DLGAP2: variants seen among roughly 807,000 people sequenced by gnomAD.
The protein encoded by DLGAP2 is DLG associated protein 2.
Under a neutral mutation model 100.3 loss-of-function variants are expected in DLGAP2, and 26 were observed. The ratio of observed to expected loss-of-function variants is 0.26; its 90% confidence interval spans 0.19 to 0.36. The LOEUF is 0.36. Among genes scored for constraint, DLGAP2 ranks in the 10% least tolerant of loss-of-function variants. DLGAP2 has a pLI of 1.00. For missense variants in DLGAP2, 1,858 were observed against 1,453.2 expected (o/e 1.28, Z -4.53); for synonymous variants, 886 against 630.1 (o/e 1.41, Z -6.08).
chr8:1,540,715 C>T (rs898312339), intron 4 of DLGAP2, among the ~76,000 whole-genome samples: 1 of 152,210 alleles, frequency 6.6e-6, no homozygotes, highest in African/African-American at 2.4e-5. Flanking sequence ...CAGAGCCCAG[C>T]GTGGGCGGCC....
In DLGAP2 at chr8:1,330,921, G is replaced by C. The variant is rs566145344; in HGVS notation, c.106+72038G>C. Among the ~76,000 whole-genome samples the C allele has an allele frequency of 2.0e-5, 3 of 150,276 alleles. No individual in the cohort carries two copies. In the East Asian group the frequency reaches 6.0e-4, roughly 30 times the overall value. On this transcript the variant is annotated intron_variant, in intron 3 of 14. Coordinates refer to ENST00000637795, the MANE Select transcript of DLGAP2 (RefSeq NM_001346810.2). The stretch of plus-strand genomic sequence containing the variant: ...TCTGTGTGGGAGCACCACTTCATGG[G>C]GACTGAGTTCTGGGTGGGACTGAGT...
intron 5 of DLGAP2, among the ~76,000 whole-genome samples, chr8:1,551,945 T>A (rs1031109564): frequency 2.6e-5 from 4 of 152,198 alleles, no homozygotes; most frequent in South Asian, 2.1e-4. Flanking sequence ...CTGATGAGCC[T>A]CTTCATCTCG....
At chr8:1,012,720 C>G (rs1479897030) in intron 2 of DLGAP2, among the ~76,000 whole-genome samples, 3 of 131,396 alleles carry the variant, frequency 2.3e-5, no homozygotes, top group Non-Finnish European at 3.3e-5. Flanking sequence ...AGTGTGGACA[C>G]CGTCCGACCG....
intron 2 of DLGAP2, among the ~76,000 whole-genome samples, chr8:1,058,323 T>G (rs1802945315): frequency 6.6e-6 from 1 of 152,166 alleles, no homozygotes; most frequent in South Asian, 2.1e-4. Context: ...AAGCCCGAAT[T>G]TCTGTAGGAA....
intron 6 of DLGAP2, among the ~76,000 whole-genome samples, chr8:1,597,204 G>A (rs930859448): frequency 6.6e-6 from 1 of 152,082 alleles, no homozygotes; most frequent in African/African-American, 2.4e-5. Flanking sequence ...TGATGCCTCT[G>A]TTCTGTTCCA....
intron 3 of DLGAP2, among the ~76,000 whole-genome samples, chr8:1,326,436 G>T (rs967311316): frequency 6.6e-6 from 1 of 151,910 alleles, no homozygotes; most frequent in African/African-American, 2.4e-5. Context: ...TGTAAGGAAA[G>T]GAGCTCTGGG....
chr8:1,062,864 G>C (rs768299200), intron 2 of DLGAP2, among the ~76,000 whole-genome samples: 7 of 152,162 alleles, frequency 4.6e-5, no homozygotes, highest in Non-Finnish European at 1.0e-4. Context: ...TCAGTCTTCA[G>C]CTATAACCAT....
At chr8:1,409,977 G>C (rs1421285134) in intron 3 of DLGAP2, among the ~76,000 whole-genome samples, 2 of 152,190 alleles carry the variant, frequency 1.3e-5, no homozygotes, top group Admixed American at 6.5e-5. Context: ...CCTCTTATGT[G>C]TCTGTGTGTC....
intron 2 of DLGAP2, among the ~76,000 whole-genome samples, chr8:1,203,128 T>C (rs1485784372): frequency 6.6e-6 from 1 of 152,050 alleles, no homozygotes; most frequent in Non-Finnish European, 1.5e-5. Flanking sequence ...GTTAGTTCGT[T>C]TGTTTGTTCG....
intron 12 of DLGAP2, among the ~76,000 whole-genome samples, chr8:1,686,901 G>A (rs1020065137): frequency 6.6e-6 from 1 of 152,196 alleles, no homozygotes; most frequent in African/African-American, 2.4e-5. Flanking sequence ...ACACATAAAT[G>A]TTTGAGGTGA....
intron 3 of DLGAP2, among the ~76,000 whole-genome samples, chr8:1,424,844 C>G (rs1480748910): frequency 1.3e-5 from 2 of 152,180 alleles, no homozygotes; most frequent in Non-Finnish European, 2.9e-5. Context: ...GATACACAGA[C>G]AGGTCAGAGG....
chr8:1,065,284 T>G (rs1803210991), intron 2 of DLGAP2, among the ~76,000 whole-genome samples: 1 of 152,270 alleles, frequency 6.6e-6, no homozygotes, highest in South Asian at 2.1e-4. Flanking sequence ...TATTCAAGAT[T>G]ATTTCAAGAT....
chr8:1,079,801 G>A (rs1426620104), intron 2 of DLGAP2, among the ~76,000 whole-genome samples: 1 of 152,222 alleles, frequency 6.6e-6, no homozygotes, highest in Non-Finnish European at 1.5e-5. Flanking sequence ...ATGGGGCAGA[G>A]GAGAGAAAAT....
intron 2 of DLGAP2, among the ~76,000 whole-genome samples, chr8:1,049,528 GATAA>G (rs1485957867): frequency 6.6e-6 from 1 of 152,090 alleles, no homozygotes; most frequent in Non-Finnish European, 1.5e-5. Flanking sequence ...CCTTGCAATA[GATAA>G]ATATTGTTTA....
chr8:922,960 C>T (rs1420032099), intron 2 of DLGAP2, among the ~76,000 whole-genome samples: 1 of 152,148 alleles, frequency 6.6e-6, no homozygotes, highest in African/African-American at 2.4e-5. Context: ...GTGCCCAGGG[C>T]TGGGAATTGC....
intron 4 of DLGAP2, among the ~76,000 whole-genome samples, chr8:1,533,671 C>G (rs1420500380): frequency 6.6e-6 from 1 of 152,132 alleles, no homozygotes; most frequent in Non-Finnish European, 1.5e-5. Context: ...TTTCTGTCAT[C>G]TTAAAACTTA....
chr8:1,096,085 C>T (rs1028712196), intron 2 of DLGAP2, among the ~76,000 whole-genome samples: 1 of 152,016 alleles, frequency 6.6e-6, no homozygotes, highest in South Asian at 2.1e-4. Context: ...ATGACGTTGC[C>T]CTAAATTATT....
At chr8:1,536,597 G>T (rs1314870491) in intron 4 of DLGAP2, among the ~76,000 whole-genome samples, 1 of 152,076 alleles carries the variant, frequency 6.6e-6, no homozygotes, top group Non-Finnish European at 1.5e-5. Context: ...AAATTCCATG[G>T]GGCCAGCCCT....
intron 1 of DLGAP2, among the ~76,000 whole-genome samples, chr8:876,460 T>G (rs1797688618): frequency 6.6e-6 from 1 of 152,240 alleles, no homozygotes; most frequent in Non-Finnish European, 1.5e-5. Flanking sequence ...GTTATACCAC[T>G]GCTTTTCTGG....
Sources: gnomAD v4.1 joint callset for allele counts (sites outside exome capture counted in the v4.1 genomes callset) on GRCh38, gnomAD v4.1.1 for gene constraint, MANE v1.5 for transcripts, NCBI Gene and HGNC (gene_info 2026-07-23, HGNC 2026-07-21) for gene names.